Variants in RAB3GAP2 observed in about 807,000 individuals in gnomAD.
RAB3GAP2 encodes the protein rab3 GTPase-activating protein non-catalytic subunit.
Under a neutral mutation model 185.3 loss-of-function variants are expected in RAB3GAP2, and 87 were observed. That is an observed-to-expected ratio of 0.47 (90% CI 0.39 to 0.56). The LOEUF is 0.56. Ranked by LOEUF, RAB3GAP2 falls within the 20% of genes least tolerant of loss-of-function variation. The pLI, the probability that RAB3GAP2 is intolerant of heterozygous loss-of-function variation, is 0.00. For synonymous variants in RAB3GAP2, 554 were observed against 576.1 expected (o/e 0.96, Z 0.55); for missense variants, 1,492 against 1,638.2 (o/e 0.91, Z 1.54).
intron 1 of RAB3GAP2, among the ~76,000 whole-genome samples, chr1:220,270,213 T>G (rs1423310039): frequency 6.6e-6 from 1 of 152,212 alleles, no homozygotes; most frequent in Non-Finnish European, 1.5e-5. Context: ...CACATGATTT[T>G]CCTCTTTCTT....
At chr1:220,176,888 T>A (rs906863860) in intron 21 of RAB3GAP2, among the ~76,000 whole-genome samples, 1 of 152,170 alleles carries the variant, frequency 6.6e-6, no homozygotes, top group East Asian at 1.9e-4. Flanking sequence ...GAGGGCCCAG[T>A]CTCAGCTCAA....
intron 1 of RAB3GAP2, among the ~76,000 whole-genome samples, chr1:220,252,676 C>T (rs1012905648): frequency 6.6e-6 from 1 of 151,832 alleles, no homozygotes; most frequent in Admixed American, 6.6e-5. Flanking sequence ...ACACTTCTCC[C>T]ATGGATCTTT....
intron 17 of RAB3GAP2, 151 bp from the exon 18 acceptor site, chr1:220,185,892 G>C: frequency 1.6e-6 from 1 of 631,064 alleles, no homozygotes; most frequent in Non-Finnish European, 2.8e-6. Flanking sequence ...TAAATCTCAA[G>C]TTGCGTTGTT....
intron 1 of RAB3GAP2, among the ~76,000 whole-genome samples, chr1:220,259,326 C>T (rs1660091607): frequency 6.6e-6 from 1 of 152,080 alleles, no homozygotes; most frequent in Non-Finnish European, 1.5e-5. Context: ...TACCTTATTT[C>T]AAACTATACT....
At chr1:220,223,069 G>A (rs373799084) in intron 2 of RAB3GAP2, among the ~76,000 whole-genome samples, 17 of 152,020 alleles carry the variant, frequency 1.1e-4, no homozygotes, top group Non-Finnish European at 1.9e-4. Flanking sequence ...TTGAGTCAGC[G>A]TCTCGCTCTG....
At chr1:220,192,983 T>C (rs1293100442) in intron 13 of RAB3GAP2, among the ~76,000 whole-genome samples, 1 of 152,072 alleles carries the variant, frequency 6.6e-6, no homozygotes, top group Non-Finnish European at 1.5e-5. Context: ...AACTCAGAAA[T>C]TGACAATAAC....
intron 33 of RAB3GAP2, 128 bp from the exon 34 acceptor site, chr1:220,151,892 A>T (rs563621926): frequency 1.0e-6 from 1 of 983,926 alleles, no homozygotes; most frequent in African/African-American, 1.6e-5. Flanking sequence ...TTTTGATTGT[A>T]TACAACCAAA....
rs1657919615 is a variant in RAB3GAP2, at chr1:220,159,370, T to C, written c.3261+16A>G. 3 of 1,597,610 alleles carry C rather than the reference T, an allele frequency of 1.9e-6. No individual in the cohort carries two copies. The highest frequency in any genetic ancestry group is 1.1e-5 in the South Asian group (1 of 90,546). On this transcript the variant is annotated intron_variant, in intron 29 of 34. Coordinates refer to ENST00000358951, the MANE Select transcript of RAB3GAP2 (RefSeq NM_012414.4). Reference sequence around the variant, plus strand: ...GAATTAACAACCATAATTCTAGCTATGGGAGATTCACTTACCCTTCGGCAT... The same window carrying C: ...GAATTAACAACCATAATTCTAGCTACGGGAGATTCACTTACCCTTCGGCAT...
chr1:220,165,139 T>G (rs942696948), intron 26 of RAB3GAP2, among the ~76,000 whole-genome samples: 2 of 150,110 alleles, frequency 1.3e-5, no homozygotes, highest in African/African-American at 4.9e-5. Context: ...TTGTAGATAC[T>G]ATTCATTCAT....
At position 220,195,151 on chromosome 1, in the gene RAB3GAP2, T is replaced by TCCAACCAAG. The variant is rs1231782219; in HGVS notation, c.1048_1056dup (p.Leu350_Trp352dup). The TCCAACCAAG allele has an allele frequency of 6.2e-7, 1 of 1,614,064 alleles. No individual in the cohort carries two copies. Among genetic ancestry groups the TCCAACCAAG allele is most frequent in the Non-Finnish European group, 8.5e-7 (1 of 1,180,024 alleles). On this transcript the variant is annotated inframe_insertion, in exon 12 of 35. Coordinates refer to ENST00000358951, the MANE Select transcript of RAB3GAP2 (RefSeq NM_012414.4). ...ACAGCTTCTTCTTCGTGCTTACTTTTCCAACCAAGCCAACCACTGAAAAGA... is the reference window on the plus strand; with the variant it reads ...ACAGCTTCTTCTTCGTGCTTACTTTTCCAACCAAGCCAACCAAGCCAACCACTGAAAAGA...
chr1:220,178,882 G>A (rs1460817464), intron 21 of RAB3GAP2, among the ~76,000 whole-genome samples: 1 of 152,020 alleles, frequency 6.6e-6, no homozygotes, highest in Non-Finnish European at 1.5e-5. Flanking sequence ...TATAGTCCTG[G>A]CTGACTGGAA....
intron 4 of RAB3GAP2, chr1:220,211,453 C>T (rs79590420): frequency 0.024 from 10,668 of 451,362 alleles, 164 homozygotes; most frequent in South Asian, 0.033. Context: ...ACGTTACATG[C>T]AAACTGTATT....
Position 220,246,822 on chromosome 1 carries a change from A to T in RAB3GAP2, c.116-13959T>A, listed in dbSNP as rs113858988. On this transcript the variant is annotated intron_variant, in intron 1 of 34. Coordinates refer to ENST00000358951, the MANE Select transcript of RAB3GAP2 (RefSeq NM_012414.4). Reference sequence around the variant, plus strand: ...CATTGGGAGATATACCTAATGCTAGATGACGAGTTAGTGGGTGCAGCGCAC... The same window carrying T: ...CATTGGGAGATATACCTAATGCTAGTTGACGAGTTAGTGGGTGCAGCGCAC... 8.0e-3 allele frequency among the ~76,000 whole-genome samples: 1,184 copies of T among 148,006 alleles called. 14 individuals carry two copies. The highest frequency in any genetic ancestry group is 0.028 in the African/African-American group (1,134 of 39,966).
In RAB3GAP2 at chr1:220,173,490, T is replaced by C. The variant is rs191640503; in HGVS notation, c.2311-748A>G. ...AGCTCTAAGTTAAAAGACTGACTGT[T>C]AGTTTAAATGAATTATTTCAAATAG... On this transcript the variant is annotated intron_variant, in intron 21 of 34. Transcript: ENST00000358951. 3.5e-3 allele frequency among the ~76,000 whole-genome samples: 536 copies of C among 152,310 alleles called. 2 individuals carry two copies. Among genetic ancestry groups the C allele is most frequent in the Non-Finnish European group, 5.8e-3 (393 of 68,022 alleles).
At chr1:220,261,051 T>C (rs919712763) in intron 1 of RAB3GAP2, among the ~76,000 whole-genome samples, 20 of 152,170 alleles carry the variant, frequency 1.3e-4, no homozygotes, top group Non-Finnish European at 2.8e-4. Context: ...GTGGTTTTTA[T>C]GTCTGATTTT....
rs796213499 is a variant in RAB3GAP2 at position 220,243,547 on chromosome 1, G to C, written c.116-10684C>G. Among the ~76,000 whole-genome samples, 5 of 152,016 alleles carry C rather than the reference G, an allele frequency of 3.3e-5. No homozygotes were observed. The South Asian group carries it at 8.3e-4, about 25-fold the overall frequency. ...CTGATAAGTGGCAGAACTGGGATTC[G>C]GACCCACGCAGGCTAGCTCAGATGC... is the stretch of plus-strand genomic sequence containing the variant. On this transcript the variant is annotated intron_variant, in intron 1 of 34. Transcript: ENST00000358951.
intron 27 of RAB3GAP2, among the ~76,000 whole-genome samples, chr1:220,163,366 A>AT (rs1315429896): frequency 0.021 from 2,865 of 139,198 alleles, 24 homozygotes; most frequent in Non-Finnish European, 0.026. Context: ...TAGTAACTTA[A>AT]TTTTTTTTTT....
chr1:220,228,009 T>C (rs2102889390), intron 2 of RAB3GAP2, among the ~76,000 whole-genome samples: 1 of 152,312 alleles, frequency 6.6e-6, no homozygotes, highest in East Asian at 1.9e-4. Flanking sequence ...CGCCTCAGCC[T>C]TCCAAAGTGC....
In RAB3GAP2 at chr1:220,184,114, T is replaced by C; in HGVS notation, c.1920A>G (p.Leu640=). ...CAGACTCATAGAGTTGCAGCAGTTT[T>C]AGTTTATTGGCACAAAACTGTAGCA... ...EGLLQFCANK[L]KLLQLYESVS... is the part of the protein sequence containing the mutation. The change falls in exon 19 of 35, where the codon CTA becomes CTG. Residue 640 remains leucine (L), a synonymous_variant. Coordinates refer to ENST00000358951, the MANE Select transcript of RAB3GAP2 (RefSeq NM_012414.4). 1 of 1,610,452 alleles carries C rather than the reference T, an allele frequency of 6.2e-7. No individual in the cohort carries two copies. The highest frequency in any genetic ancestry group is 8.5e-7 in the Non-Finnish European group (1 of 1,176,920).
Sources: allele counts gnomAD v4.1 joint callset (sites outside exome capture counted in the v4.1 genomes callset), GRCh38; gene constraint gnomAD v4.1.1; transcripts MANE v1.5; gene names NCBI Gene and HGNC (gene_info 2026-07-23, HGNC 2026-07-21).